YIPF6: variants seen among roughly 807,000 people sequenced by gnomAD.
The protein encoded by YIPF6 is protein YIPF6.
Under a neutral mutation model 16.8 loss-of-function variants are expected in YIPF6, and 3 were observed. That is an observed-to-expected ratio of 0.18 (90% CI 0.08 to 0.46). The LOEUF is 0.46. Among genes scored for constraint, YIPF6 ranks in the 20% least tolerant of loss-of-function variants. The pLI is 0.98. For missense variants in YIPF6, 145 were observed against 184.9 expected (o/e 0.78, Z 1.25); for synonymous variants, 67 against 61.9 (o/e 1.08, Z -0.38).
chrX:68,533,245 A>C lies in YIPF6; in HGVS notation c.*1246A>C, dbSNP rs367859540. ...CATGTGCACCTACTTGTAATCTCAG[A>C]TATTTATGCACACAAGTGTGAAGGT... On this transcript the variant is annotated 3_prime_UTR_variant, in exon 7 of 7. Transcript: ENST00000462683. The C allele has an allele frequency of 7.2e-5, 8 of 111,572 alleles. No homozygotes were observed. In the East Asian group the frequency reaches 8.4e-4, roughly 12 times the overall value. 9.2% of individuals were successfully genotyped at this position (111,572 alleles called of 1,213,427 possible).
At chrX:68,515,841 TG>T (rs2079100551) in intron 3 of YIPF6, among the ~76,000 whole-genome samples, 2 of 111,698 alleles carry the variant, frequency 1.8e-5, no homozygotes, top group Admixed American at 1.9e-4. Flanking sequence ...TAAATTTTTT[TG>T]TCTGGGCACG....
chrX:68,499,241 T>C lies in YIPF6; in HGVS notation c.57+118T>C, dbSNP rs7053147. 0.029 allele frequency: 27,959 copies of C among 947,983 alleles called. 2,333 individuals are homozygous for C. The African/African-American group carries it at 0.34, about 12-fold the overall frequency. 78.1% of individuals were successfully genotyped at this position (947,983 alleles called of 1,213,427 possible). A position where few individuals can be genotyped will look rare whatever the true frequency, so the allele number is the denominator to read the frequency against. On this transcript the variant is annotated intron_variant, in intron 1 of 6. Transcript: ENST00000462683. ...GCTCCTTCCGCCCGGCAGGCCCTTC[T>C]TGTACCCGATGCCAGAACCAGTCCC...
At chrX:68,514,883 G>C (rs767879661) in intron 3 of YIPF6, 1 of 112,574 alleles carries the variant, frequency 8.9e-6, no homozygotes, top group African/African-American at 3.2e-5. Flanking sequence ...ATGCAATGGC[G>C]TAATCATAGC....
chrX:68,531,832 A>G (rs370398170), intron 6 of YIPF6, 49 bp from the exon 7 acceptor site: 3 of 862,727 alleles, frequency 3.5e-6, no homozygotes, highest in Non-Finnish European at 5.0e-6. Flanking sequence ...TAGTTGTGAC[A>G]ATATTACTGT....
At chrX:68,516,702 G>A (rs557834088) in intron 3 of YIPF6, among the ~76,000 whole-genome samples, 41 of 112,041 alleles carry the variant, frequency 3.7e-4, no homozygotes, top group African/African-American at 1.1e-3. Context: ...ATACATGTGA[G>A]GTTAAAGTTC....
intron 1 of YIPF6, among the ~76,000 whole-genome samples, chrX:68,503,839 C>T (rs907456755): frequency 1.8e-5 from 2 of 112,165 alleles, no homozygotes; most frequent in Admixed American, 1.9e-4. Context: ...CTGCCTTAGC[C>T]TCCTGAGTAT....
chrX:68,515,311 G>A (rs1293106444), intron 3 of YIPF6: 1 of 101,601 alleles, frequency 9.8e-6, no homozygotes, highest in African/African-American at 3.7e-5. Flanking sequence ...GGGCGAAAGA[G>A]TGAGACTCCG....
intron 6 of YIPF6, among the ~76,000 whole-genome samples, chrX:68,530,401 C>T (rs1359716651): frequency 9.0e-6 from 1 of 111,202 alleles, no homozygotes; most frequent in Non-Finnish European, 1.9e-5. Context: ...GCTTGCTGGG[C>T]TCCATGGGGG....
chrX:68,521,285 T>C (rs1377107203), intron 4 of YIPF6, 87 bp from the exon 5 acceptor site: 33 of 1,080,221 alleles, frequency 3.1e-5, no homozygotes, highest in Non-Finnish European at 4.0e-5. Flanking sequence ...GGCACAGCAA[T>C]CTGATTCAAA....
chrX:68,509,257 T>C (rs779822962), intron 1 of YIPF6, among the ~76,000 whole-genome samples: 131 of 110,076 alleles, frequency 1.2e-3, no homozygotes, highest in Admixed American at 3.4e-3. Flanking sequence ...CCACAGTTAG[T>C]TGCATGCCAC....
Position 68,534,389 on chromosome X carries a change from C to T in YIPF6, c.*2390C>T, listed in dbSNP as rs954339693. 5.4e-5 allele frequency: 6 copies of T among 111,196 alleles called. No homozygotes were observed. The highest frequency in any genetic ancestry group is 2.0e-4 in the African/African-American group (6 of 30,558). The allele number at this position is 111,196 out of a possible 1,213,427, so 9.2% of individuals were successfully genotyped here. A position where few individuals can be genotyped will look rare whatever the true frequency, so the allele number is the denominator to read the frequency against. ...GCATGCCTATACATGATGTTAACAT[C>T]ATTCTCGAACAGTTGTTGGCCGAAG... On this transcript the variant is annotated 3_prime_UTR_variant, in exon 7 of 7. Transcript: ENST00000462683.
intron 5 of YIPF6, among the ~76,000 whole-genome samples, chrX:68,521,813 T>C (rs1222815830): frequency 9.1e-6 from 1 of 109,727 alleles, no homozygotes; most frequent in Non-Finnish European, 1.9e-5. Flanking sequence ...AGGCTGGTTT[T>C]GAACTCCTGG....
At chrX:68,519,503 CT>C (rs1369657249) in intron 4 of YIPF6, among the ~76,000 whole-genome samples, 43 of 104,001 alleles carry the variant, frequency 4.1e-4, no homozygotes, top group Admixed American at 4.2e-4. Context: ...TTTTATTTTT[CT>C]TTTTTTTTTT....
At chrX:68,530,582 G>A (rs777896914) in intron 6 of YIPF6, among the ~76,000 whole-genome samples, 244 of 111,226 alleles carry the variant, frequency 2.2e-3, no homozygotes, top group Non-Finnish European at 1.8e-3. Flanking sequence ...TTGAAATCCA[G>A]GGCCCTGGTG....
At chrX:68,518,156 C>T (rs2079111354) in intron 3 of YIPF6, among the ~76,000 whole-genome samples, 1 of 107,619 alleles carries the variant, frequency 9.3e-6, no homozygotes. Context: ...CCTGTAATCC[C>T]AGCTACTCGG....
intron 3 of YIPF6, among the ~76,000 whole-genome samples, chrX:68,518,286 A>G (rs2079112220): frequency 9.1e-6 from 1 of 110,450 alleles, no homozygotes; most frequent in Non-Finnish European, 1.9e-5. Flanking sequence ...AAAAAAAAAA[A>G]AAATCAATAG....
At position 68,532,606 on chromosome X, in the gene YIPF6, A is replaced by G. The variant is rs1262143049; in HGVS notation, c.*607A>G. On this transcript the variant is annotated 3_prime_UTR_variant, in exon 7 of 7. Coordinates refer to ENST00000462683, the MANE Select transcript of YIPF6 (RefSeq NM_173834.4). Reference sequence around the variant, plus strand: ...GAAATTCTACACTTGTTGCAAAAAAAAAAAAAAAAAAAGCAAAGGGCCTCT... The same window carrying G: ...GAAATTCTACACTTGTTGCAAAAAAGAAAAAAAAAAAAGCAAAGGGCCTCT... 9.1e-6 allele frequency: 1 copy of G among 109,724 alleles called. No homozygotes were observed. The highest frequency in any genetic ancestry group is 1.9e-5 in the Non-Finnish European group (1 of 52,591). 9.0% of individuals were successfully genotyped at this position (109,724 alleles called of 1,213,427 possible).
At chrX:68,501,375 A>T (rs781599349) in intron 1 of YIPF6, among the ~76,000 whole-genome samples, 1 of 112,470 alleles carries the variant, frequency 8.9e-6, no homozygotes, top group South Asian at 3.6e-4. Flanking sequence ...TATAAGAGCT[A>T]TCAATAACTG....
rs1462721369 is a variant in YIPF6, at chrX:68,534,876, T to C, written c.*2877T>C. On this transcript the variant is annotated 3_prime_UTR_variant, in exon 7 of 7. Coordinates refer to ENST00000462683, the MANE Select transcript of YIPF6 (RefSeq NM_173834.4). ...TCATGCTTCAGATGAAATTCAGGCA[T>C]GTGAGCATCACTGCAGAATGTGGTG... 1 of 112,321 alleles carries C rather than the reference T, an allele frequency of 8.9e-6. No individual in the cohort carries two copies. Among genetic ancestry groups the C allele is most frequent in the Non-Finnish European group, 1.9e-5 (1 of 53,324 alleles). 9.3% of individuals were successfully genotyped at this position (112,321 alleles called of 1,213,427 possible). A position where few individuals can be genotyped will look rare whatever the true frequency, so the allele number is the denominator to read the frequency against.
Sources: allele counts gnomAD v4.1 joint callset (sites outside exome capture counted in the v4.1 genomes callset), GRCh38; gene constraint gnomAD v4.1.1; transcripts MANE v1.5; gene names NCBI Gene and HGNC (gene_info 2026-07-23, HGNC 2026-07-21).